ATRNL1: variants seen among roughly 807,000 people sequenced by gnomAD.
ATRNL1 encodes the protein attractin like 1.
A neutral mutation model predicts 182.7 loss-of-function variants in ATRNL1; 95 were observed. That is an observed-to-expected ratio of 0.52 (90% CI 0.44 to 0.62). The LOEUF (loss-of-function observed/expected upper bound fraction) is 0.62. ATRNL1 is among the 20% of genes least tolerant of loss of function. The pLI, the probability that ATRNL1 is intolerant of heterozygous loss-of-function variation, is 0.00. For synonymous variants in ATRNL1, 576 were observed against 568.3 expected (o/e 1.01, Z -0.19); for missense variants, 1,471 against 1,679.5 (o/e 0.88, Z 2.17).
intron 25 of ATRNL1, among the ~76,000 whole-genome samples, chr10:115,539,328 C>A (rs1252938181): frequency 1.3e-5 from 2 of 152,204 alleles, no homozygotes; most frequent in African/African-American, 4.8e-5. Flanking sequence ...CATAGGGTTC[C>A]AGTTCCAGGT....
At chr10:115,483,834 GA>G (rs1410680696) in intron 24 of ATRNL1, among the ~76,000 whole-genome samples, 40 of 151,480 alleles carry the variant, frequency 2.6e-4, no homozygotes, top group Admixed American at 2.6e-3. Context: ...TAAACTTATT[GA>G]AATATTCATT....
rs562313402 is a variant in ATRNL1 at position 115,397,070 on chromosome 10, G to C, written c.3269+2318G>C. Among the ~76,000 whole-genome samples, 8 of 151,850 alleles carry C rather than the reference G, an allele frequency of 5.3e-5. No individual in the cohort carries two copies. The South Asian group carries it at 1.0e-3, about 20-fold the overall frequency. ...TGTTTATTTAGCTTTTGAGTATGGA[G>C]CAATAAAGAATAGGCTCATTATTTT... On this transcript the variant is annotated intron_variant, in intron 20 of 28. Transcript: ENST00000355044.
intron 9 of ATRNL1, among the ~76,000 whole-genome samples, chr10:115,233,911 G>A (rs1554900681): frequency 6.6e-6 from 1 of 151,782 alleles, no homozygotes; most frequent in African/African-American, 2.4e-5. Context: ...TTACATTGAT[G>A]TTAATATGTG....
At chr10:115,252,717 C>T (rs1172934822) in intron 10 of ATRNL1, among the ~76,000 whole-genome samples, 1 of 152,128 alleles carries the variant, frequency 6.6e-6, no homozygotes, top group African/African-American at 2.4e-5. Context: ...TTGGCAGTCT[C>T]GTTATATGGT....
intron 26 of ATRNL1, among the ~76,000 whole-genome samples, chr10:115,718,359 A>G (rs1453121275): frequency 6.6e-6 from 1 of 152,156 alleles, no homozygotes; most frequent in Admixed American, 6.6e-5. Context: ...ATGTAAGTCA[A>G]CGTCGAACAA....
chr10:115,850,310 G>T (rs532502623), intron 28 of ATRNL1, among the ~76,000 whole-genome samples: 18 of 152,048 alleles, frequency 1.2e-4, no homozygotes, highest in Non-Finnish European at 2.5e-4. Context: ...AAAACAAAAT[G>T]TCTTGATTTC....
intron 1 of ATRNL1, among the ~76,000 whole-genome samples, chr10:115,115,005 AT>A (rs200808894): frequency 0.012 from 1,785 of 152,266 alleles, 34 homozygotes; most frequent in African/African-American, 0.04. Flanking sequence ...GGATCAATGG[AT>A]TAAAAAAAGA....
intron 17 of ATRNL1, among the ~76,000 whole-genome samples, chr10:115,308,152 T>G (rs1853828979): frequency 6.6e-6 from 1 of 152,152 alleles, no homozygotes; most frequent in African/African-American, 2.4e-5. Context: ...TTTTCAGTCA[T>G]AATATTGTGA....
intron 5 of ATRNL1, among the ~76,000 whole-genome samples, chr10:115,149,699 T>G (rs1029645341): frequency 1.3e-5 from 2 of 152,132 alleles, no homozygotes; most frequent in Non-Finnish European, 2.9e-5. Context: ...CACTTGATCA[T>G]GGTTTATTAT....
chr10:115,930,048 A>G (rs1020831822), intron 28 of ATRNL1, among the ~76,000 whole-genome samples: 3 of 152,088 alleles, frequency 2.0e-5, no homozygotes, highest in African/African-American at 4.8e-5. Flanking sequence ...AGTTTAGGAA[A>G]TATTTCCTCT....
At chr10:115,389,286 C>T (rs1465277304) in intron 19 of ATRNL1, among the ~76,000 whole-genome samples, 2 of 151,696 alleles carry the variant, frequency 1.3e-5, no homozygotes, top group Non-Finnish European at 1.5e-5. Flanking sequence ...GATGGCGGAT[C>T]ATGAGGTCAG....
chr10:115,368,964 T>G (rs1180920476), intron 19 of ATRNL1, among the ~76,000 whole-genome samples: 2 of 152,086 alleles, frequency 1.3e-5, no homozygotes, highest in African/African-American at 4.8e-5. Context: ...TCTGCCTGCC[T>G]TGGCCTCCCA....
chr10:115,177,042 G>T (rs1847537972), intron 8 of ATRNL1, among the ~76,000 whole-genome samples: 1 of 152,024 alleles, frequency 6.6e-6, no homozygotes, highest in Non-Finnish European at 1.5e-5. Context: ...TGAGCTATAG[G>T]GTCCCCGAAT....
intron 28 of ATRNL1, among the ~76,000 whole-genome samples, chr10:115,877,681 C>T (rs1555107563): frequency 6.6e-6 from 1 of 152,090 alleles, no homozygotes; most frequent in Non-Finnish European, 1.5e-5. Flanking sequence ...TATTTAAATC[C>T]TAGTAAATAT....
chr10:115,190,989 G>A (rs1848148290), intron 8 of ATRNL1, among the ~76,000 whole-genome samples: 1 of 151,996 alleles, frequency 6.6e-6, no homozygotes, highest in African/African-American at 2.4e-5. Flanking sequence ...TTCTGTGCCT[G>A]GCTTATTTCA....
chr10:115,179,838 T>A (rs1428206072), intron 8 of ATRNL1, among the ~76,000 whole-genome samples: 1 of 152,156 alleles, frequency 6.6e-6, no homozygotes, highest in Non-Finnish European at 1.5e-5. Flanking sequence ...TGTCACATGG[T>A]CATCTTTAAT....
intron 19 of ATRNL1, among the ~76,000 whole-genome samples, chr10:115,387,439 T>G (rs559229336): frequency 5.3e-5 from 8 of 152,356 alleles, no homozygotes; most frequent in African/African-American, 1.7e-4. Context: ...ATTACTCTAT[T>G]AATATAATTG....
chr10:115,228,672 A>G (rs1234891048), intron 9 of ATRNL1, among the ~76,000 whole-genome samples: 1 of 151,900 alleles, frequency 6.6e-6, no homozygotes, highest in Non-Finnish European at 1.5e-5. Flanking sequence ...AAACTTTACC[A>G]TTTATAACTT....
chr10:115,701,776 A>G (rs1555051588), intron 26 of ATRNL1, among the ~76,000 whole-genome samples: 1 of 152,006 alleles, frequency 6.6e-6, no homozygotes, highest in African/African-American at 2.4e-5. Context: ...GAACAGACCA[A>G]TATTGAGTTC....
Sources: allele counts gnomAD v4.1 joint callset (sites outside exome capture counted in the v4.1 genomes callset), GRCh38; gene constraint gnomAD v4.1.1; transcripts MANE v1.5; gene names NCBI Gene and HGNC (gene_info 2026-07-23, HGNC 2026-07-21).